Variants in SRC observed in about 807,000 individuals in gnomAD.
The protein encoded by SRC is SRC proto-oncogene, non-receptor tyrosine kinase.
In SRC, 13 loss-of-function variants were observed where a neutral mutation model predicts 62.9. That is an observed-to-expected ratio of 0.21 (90% confidence interval 0.13 to 0.33). SRC has a LOEUF of 0.33. SRC is among the 10% of genes least tolerant of loss of function. The pLI, the probability that SRC is intolerant of heterozygous loss-of-function variation, is 1.00. For synonymous variants in SRC, 302 were observed against 317.5 expected (o/e 0.95, Z 0.52); for missense variants, 457 against 737.3 (o/e 0.62, Z 4.40).
Position 37,385,142 on chromosome 20 carries a change from A to ACGCACATG in SRC, c.250+741_250+748dup, listed in dbSNP as rs531180614. On this transcript the variant is annotated intron_variant, in intron 4 of 13. Transcript: ENST00000373578. ...ACCTCACACTTGTAGCTGAAGACAC[A>ACGCACATG]CGCACATGCCGTCAGAAGCGCATTC... Among the ~76,000 whole-genome samples, 350 of 152,312 alleles carry ACGCACATG rather than the reference A, an allele frequency of 2.3e-3. 1 individual carries two copies. The highest frequency in any genetic ancestry group is 4.0e-3 in the African/African-American group (165 of 41,546).
rs140526991 is a variant in SRC at position 37,396,008 on chromosome 20, G to A, written c.554-154G>A. Among the ~76,000 whole-genome samples the A allele has an allele frequency of 3.0e-3, 451 of 152,296 alleles. 2 individuals carry two copies. The highest frequency in any genetic ancestry group is 0.01 in the African/African-American group (423 of 41,574). On this transcript the variant is annotated intron_variant, in intron 7 of 13. Coordinates refer to ENST00000373578, the MANE Select transcript of SRC (RefSeq NM_198291.3). The surrounding 1 kb of genome is among the most constrained non-coding windows in gnomAD (Gnocchi z 6.1). The stretch of plus-strand genomic sequence containing the variant: ...GTCCCTTGGCCCTGCCTCTGTGGCT[G>A]CCCCGGGGCTGGCTGTTGAGAGACA...
chr20:37,393,949 C>A lies in SRC; in HGVS notation c.405C>A (p.Ile135=), dbSNP rs2070594931. 1 of 1,613,998 alleles carries A rather than the reference C, an allele frequency of 6.2e-7. No homozygotes were observed. Among genetic ancestry groups the A allele is most frequent in the East Asian group, 2.2e-5 (1 of 44,908 alleles). ...TCAGCACAGGACAGACAGGCTACATCCCCAGCAACTACGTGGCGCCCTCCG... is the reference window on the plus strand; with the variant it reads ...TCAGCACAGGACAGACAGGCTACATACCCAGCAACTACGTGGCGCCCTCCG... The part of the protein sequence containing the change: ...HSLSTGQTGY[I]PSNYVAPSDS... The change falls in exon 6 of 14, where the codon ATC becomes ATA. Residue 135 remains isoleucine (I), a synonymous_variant. Coordinates refer to ENST00000373578, the MANE Select transcript of SRC (RefSeq NM_198291.3).
intron 1 of SRC, among the ~76,000 whole-genome samples, chr20:37,363,378 C>T (rs1414995234): frequency 6.6e-6 from 1 of 152,224 alleles, no homozygotes; most frequent in Non-Finnish European, 1.5e-5. Context: ...AAGGCCCTGC[C>T]CACCTGGCAC....
At chr20:37,399,426 G>A (rs991631394) in intron 9 of SRC, among the ~76,000 whole-genome samples, 1 of 152,196 alleles carries the variant, frequency 6.6e-6, no homozygotes, top group Non-Finnish European at 1.5e-5. Context: ...CATTGCATTT[G>A]CTAACACATG....
At chr20:37,399,142 A>G (rs75747047) in intron 9 of SRC, among the ~76,000 whole-genome samples, 2,850 of 152,276 alleles carry the variant, frequency 0.019, 91 homozygotes, top group African/African-American at 0.062. Flanking sequence ...ATCTCATTCA[A>G]TCCTCAAACA....
Position 37,396,121 on chromosome 20 carries a change from G to T in SRC, c.554-41G>T, listed in dbSNP as rs1169324625. The T allele has an allele frequency of 1.6e-5, 26 of 1,601,440 alleles. No homozygotes were observed. Among genetic ancestry groups the T allele is most frequent in the Non-Finnish European group, 2.1e-5 (25 of 1,175,568 alleles). ...TGTCCAGAGCAGCGGCCTGCGGGGG[G>T]AGAGGGCATGGCGGTCACGGCTCCC... On this transcript the variant is annotated intron_variant, in intron 7 of 13. Coordinates refer to ENST00000373578, the MANE Select transcript of SRC (RefSeq NM_198291.3). This position sits in a 1 kb window ranked among gnomAD's most constrained non-coding sequence, Gnocchi z 6.1.
chr20:37,390,629 T>G (rs1282088780), intron 5 of SRC, among the ~76,000 whole-genome samples: 1 of 152,154 alleles, frequency 6.6e-6, no homozygotes, highest in Non-Finnish European at 1.5e-5. Flanking sequence ...GGTCTCGAAC[T>G]CCTGACCTCA....
At position 37,403,328 on chromosome 20, in the gene SRC, G is replaced by A; in HGVS notation, c.1560G>A (p.Glu520=). 2 of 1,607,216 alleles carry A rather than the reference G, an allele frequency of 1.2e-6. No homozygotes were observed. The highest frequency in any genetic ancestry group is 1.7e-6 in the Non-Finnish European group (2 of 1,177,556). ...PTFEYLQAFL[E]DYFTSTEPQY... ...TCGAGTACCTGCAGGCCTTCCTGGA[G>A]GACTACTTCACGTCCACCGAGCCCC... The change falls in exon 14 of 14, where the codon GAG becomes GAA. Residue 520 remains glutamate, a synonymous_variant. Coordinates refer to ENST00000373578, the MANE Select transcript of SRC (RefSeq NM_198291.3). This position sits in a 1 kb window ranked among gnomAD's most constrained non-coding sequence, Gnocchi z 7.1.
In SRC at chr20:37,351,027, C is replaced by T. The variant is rs565148646; in HGVS notation, c.-247+4772C>T. On this transcript the variant is annotated intron_variant, in intron 1 of 13. Coordinates refer to ENST00000373578, the MANE Select transcript of SRC (RefSeq NM_198291.3). This position sits in a 1 kb window ranked among gnomAD's most constrained non-coding sequence, Gnocchi z 4.4. Reference sequence around the variant, plus strand: ...CAGAGCTCTTGTCTTCGATCCAGGACTCTCCCCAGCCAGCCAGCCTCCTCC... The same window carrying T: ...CAGAGCTCTTGTCTTCGATCCAGGATTCTCCCCAGCCAGCCAGCCTCCTCC... 3.3e-5 allele frequency among the ~76,000 whole-genome samples: 5 copies of T among 152,302 alleles called. No homozygotes were observed. The East Asian group carries it at 9.6e-4, about 29-fold the overall frequency.
chr20:37,352,245 C>T (rs373618940), intron 1 of SRC, among the ~76,000 whole-genome samples: 83 of 152,320 alleles, frequency 5.4e-4, no homozygotes, highest in African/African-American at 1.8e-3. Context: ...AGTGCTTGGG[C>T]GCAGGGCCTG....
Position 37,404,352 on chromosome 20 carries a change from G to A in SRC, c.*973G>A, listed in dbSNP as rs1017574207. On this transcript the variant is annotated 3_prime_UTR_variant, in exon 14 of 14. Coordinates refer to ENST00000373578, the MANE Select transcript of SRC (RefSeq NM_198291.3). ...TGGAGAGAGAGGCTTCAATCGGCTTGTGGGTGATGTTTGACCTTCAGAGCC... is the reference window on the plus strand; with the variant it reads ...TGGAGAGAGAGGCTTCAATCGGCTTATGGGTGATGTTTGACCTTCAGAGCC... The A allele has an allele frequency of 3.0e-5, 7 of 233,518 alleles. No individual in the cohort carries two copies. Among genetic ancestry groups the A allele is most frequent in the African/African-American group, 1.5e-4 (7 of 45,346 alleles). The allele number at this position is 233,518 out of a possible 1,614,324, so 14.5% of individuals were successfully genotyped here.
At chr20:37,401,700 C>T (rs1041508483) in intron 11 of SRC, 22 bp downstream of exon 11, 26 of 1,591,676 alleles carry the variant, frequency 1.6e-5, no homozygotes, top group Non-Finnish European at 2.2e-5. Flanking sequence ...CCTCCCGCCT[C>T]CCCACACCCT....
intron 5 of SRC, among the ~76,000 whole-genome samples, chr20:37,392,313 C>T (rs555439347): frequency 6.6e-6 from 1 of 152,340 alleles, no homozygotes; most frequent in East Asian, 1.9e-4. Context: ...TGTCCTCCGA[C>T]AGGTCCCTGG....
Position 37,402,890 on chromosome 20 carries a change from T to C in SRC, c.1402+10T>C. On this transcript the variant is annotated intron_variant, in intron 13 of 13. Coordinates refer to ENST00000373578, the MANE Select transcript of SRC (RefSeq NM_198291.3). This position sits in a 1 kb window ranked among gnomAD's most constrained non-coding sequence, Gnocchi z 6.2. ...CGGGTGCCCTACCCTGGTAAGAAGG[T>C]CCTCATGGCCTGTCTGTGGTCCCTG... 6.2e-7 allele frequency: 1 copy of C among 1,611,822 alleles called. No individual in the cohort carries two copies. Among genetic ancestry groups the C allele is most frequent in the South Asian group, 1.1e-5 (1 of 90,780 alleles).
rs536080837 is a variant in SRC at position 37,397,896 on chromosome 20, C to A, written c.859+42C>A. The A allele has an allele frequency of 1.3e-5, 20 of 1,576,944 alleles. No individual in the cohort carries two copies. Among genetic ancestry groups the A allele is most frequent in the South Asian group, 5.7e-5 (5 of 86,960 alleles). ...GCCCTCGGGAGAGGCATCCACCCCC[C>A]ACCCCGTGTGGCAGCTCCGGGCTCC... On this transcript the variant is annotated intron_variant, in intron 9 of 13. Transcript: ENST00000373578. The surrounding 1 kb of genome is among the most constrained non-coding windows in gnomAD (Gnocchi z 4.1).
In SRC at chr20:37,403,474, C is replaced by T. The variant is rs1379564469; in HGVS notation, c.*95C>T. The T allele has an allele frequency of 2.2e-6, 3 of 1,351,440 alleles. No individual in the cohort carries two copies. In the South Asian group the frequency reaches 4.1e-5, roughly 19 times the overall value. The allele number at this position is 1,351,440 out of a possible 1,614,324, so 83.7% of individuals were successfully genotyped here. A position where few individuals can be genotyped will look rare whatever the true frequency, so the allele number is the denominator to read the frequency against. On this transcript the variant is annotated 3_prime_UTR_variant, in exon 14 of 14. Coordinates refer to ENST00000373578, the MANE Select transcript of SRC (RefSeq NM_198291.3). The surrounding 1 kb of genome is among the most constrained non-coding windows in gnomAD (Gnocchi z 7.1). ...CCCACTCTGCCTGCCTGCTGTTGGT[C>T]CTCTCTCTGTGGGGCTGAATTGCCA... is the stretch of plus-strand genomic sequence containing the variant.
rs2069794132 is a variant in SRC at position 37,351,047 on chromosome 20, TC to T, written c.-247+4794del. Among the ~76,000 whole-genome samples, 1 of 152,140 alleles carries T rather than the reference TC, an allele frequency of 6.6e-6. No individual in the cohort carries two copies. The highest frequency in any genetic ancestry group is 1.5e-5 in the Non-Finnish European group (1 of 68,016). On this transcript the variant is annotated intron_variant, in intron 1 of 13. Coordinates refer to ENST00000373578, the MANE Select transcript of SRC (RefSeq NM_198291.3). This position sits in a 1 kb window ranked among gnomAD's most constrained non-coding sequence, Gnocchi z 4.4. The stretch of plus-strand genomic sequence containing the variant: ...CAGGACTCTCCCCAGCCAGCCAGCC[TC>T]CTCCTTCCCACAGTACAGCCTGGTA...
rs191475610 is a variant in SRC, at chr20:37,369,991, G to A, written c.-173+4714G>A. ...ATTTTTGTATTTTTAGTAGAGATGA[G>A]ATTTTACCATGTTGGCCACACTGGT... is the stretch of plus-strand genomic sequence containing the variant. On this transcript the variant is annotated intron_variant, in intron 2 of 13. Coordinates refer to ENST00000373578, the MANE Select transcript of SRC (RefSeq NM_198291.3). Among the ~76,000 whole-genome samples the A allele has an allele frequency of 3.9e-4, 60 of 152,158 alleles. No individual in the cohort carries two copies. In the South Asian group the frequency reaches 4.1e-3, roughly 11 times the overall value.
intron 1 of SRC, among the ~76,000 whole-genome samples, chr20:37,364,851 C>T (rs369577267): frequency 2.0e-4 from 31 of 152,320 alleles, no homozygotes; most frequent in South Asian, 4.1e-4. Context: ...TTCCCACTCC[C>T]GGCCTCTTGC....
Sources: gnomAD v4.1 joint callset for allele counts (sites outside exome capture counted in the v4.1 genomes callset) on GRCh38, gnomAD v4.1.1 for gene constraint, Gnocchi (gnomAD v3.1) non-coding constraint, MANE v1.5 for transcripts, NCBI Gene and HGNC (gene_info 2026-07-23, HGNC 2026-07-21) for gene names.